SLC18A2: variants seen among roughly 807,000 people sequenced by gnomAD.
The protein encoded by SLC18A2 is solute carrier family 18 member A2, also known as synaptic vesicular amine transporter.
SLC18A2 carries 33 observed loss-of-function variants against 59.2 expected under a neutral mutation model. That is an observed-to-expected ratio of 0.56 (90% CI 0.42 to 0.75). SLC18A2 has a LOEUF of 0.75. Among genes scored for constraint, SLC18A2 ranks in the 30% least tolerant of loss-of-function variants. The probability of loss-of-function intolerance (pLI) is 0.00; values close to 1 mark genes in which losing one functional copy is unlikely to be tolerated. For missense variants in SLC18A2, 569 were observed against 668.6 expected (o/e 0.85, Z 1.64); for synonymous variants, 228 against 253.5 (o/e 0.90, Z 0.95).
chr10:117,274,693 C>G (rs1439335374), intron 15 of SLC18A2, among the ~76,000 whole-genome samples: 1 of 152,166 alleles, frequency 6.6e-6, no homozygotes, highest in Non-Finnish European at 1.5e-5. Context: ...TTGCCACCTC[C>G]CTTGCTGTCC....
chr10:117,255,976 T>G (rs1844225004), intron 9 of SLC18A2, among the ~76,000 whole-genome samples: 1 of 152,118 alleles, frequency 6.6e-6, no homozygotes, highest in Non-Finnish European at 1.5e-5. Flanking sequence ...TGTGTTTGTA[T>G]GGAAGGCCAT....
intron 2 of SLC18A2, 69 bp from the exon 3 acceptor site, chr10:117,243,902 T>C (rs1206446890): frequency 9.1e-6 from 12 of 1,320,114 alleles, no homozygotes. Context: ...ACCATAGTTT[T>C]TTGCTGGCTT....
chr10:117,276,125 C>CAA (rs34299747), intron 15 of SLC18A2, among the ~76,000 whole-genome samples: 61,784 of 136,950 alleles, frequency 0.45, 13,511 homozygotes, highest in East Asian at 0.54. Context: ...GTCATCTCTA[C>CAA]AAAAAAAAAA....
At chr10:117,242,825 C>T (rs185067831) in intron 2 of SLC18A2, among the ~76,000 whole-genome samples, 20 of 152,286 alleles carry the variant, frequency 1.3e-4, no homozygotes, top group African/African-American at 3.4e-4. Context: ...CTCCACCTCC[C>T]GGGTTCAAGT....
rs142374592 is a variant in SLC18A2, at chr10:117,270,282, C to G, written c.1307-48C>G. 5.3e-5 allele frequency: 86 copies of G among 1,613,690 alleles called. 1 individual carries two copies. The East Asian group carries it at 1.9e-3, about 36-fold the overall frequency. ...TGTTTAAATCTTTGCATCTTTCAGT[C>G]TACAAGACATTTGGAAGAGCTTTAT... On this transcript the variant is annotated intron_variant, in intron 14 of 15. Coordinates refer to ENST00000644641, the MANE Select transcript of SLC18A2 (RefSeq NM_003054.6).
At chr10:117,254,987 C>T (rs1844211687) in intron 6 of SLC18A2, among the ~76,000 whole-genome samples, 1 of 152,252 alleles carries the variant, frequency 6.6e-6, no homozygotes, top group South Asian at 2.1e-4. Context: ...TCTCTGTTTA[C>T]ACATTTTCCT....
intron 10 of SLC18A2, among the ~76,000 whole-genome samples, chr10:117,260,704 A>G (rs1206919315): frequency 6.6e-6 from 1 of 152,138 alleles, no homozygotes; most frequent in Non-Finnish European, 1.5e-5. Flanking sequence ...GTCAGTCCCT[A>G]TTATTGGGCA....
At chr10:117,249,323 C>T (rs1004198106) in intron 3 of SLC18A2, among the ~76,000 whole-genome samples, 2 of 152,196 alleles carry the variant, frequency 1.3e-5, no homozygotes, top group Non-Finnish European at 2.9e-5. Flanking sequence ...GGGCTCACGC[C>T]CAGGAAAGTG....
chr10:117,253,050 C>T (rs1258174677), intron 3 of SLC18A2, among the ~76,000 whole-genome samples: 5 of 152,172 alleles, frequency 3.3e-5, no homozygotes, highest in African/African-American at 1.2e-4. Flanking sequence ...ATTGCAGTGG[C>T]TCCTTTGGGA....
intron 15 of SLC18A2, among the ~76,000 whole-genome samples, chr10:117,274,533 C>T (rs1045817640): frequency 3.3e-5 from 5 of 152,158 alleles, no homozygotes; most frequent in Non-Finnish European, 5.9e-5. Context: ...ACCTGCCTGC[C>T]TGGGAGCCGT....
intron 10 of SLC18A2, among the ~76,000 whole-genome samples, chr10:117,260,508 G>A (rs757785042): frequency 2.6e-5 from 4 of 152,314 alleles, no homozygotes; most frequent in South Asian, 4.1e-4. Flanking sequence ...GCGGAAGGGG[G>A]CATAGGCTGT....
At chr10:117,267,585 TCA>T in intron 12 of SLC18A2, 86 bp from the exon 13 acceptor site, 1 of 1,002,286 alleles carries the variant, frequency 1.0e-6, no homozygotes, top group Non-Finnish European at 1.5e-6. Context: ...CATACCACGC[TCA>T]GAGAAAACAC....
intron 12 of SLC18A2, chr10:117,267,302 A>C: frequency 2.0e-6 from 1 of 505,822 alleles, no homozygotes; most frequent in Non-Finnish European, 3.5e-6. Context: ...ACAGTGTCTT[A>C]AACACTTCAG....
At chr10:117,270,250 C>T (rs1844410298) in intron 14 of SLC18A2, 60 bp downstream of exon 14, 1 of 1,612,978 alleles carries the variant, frequency 6.2e-7, no homozygotes, top group Admixed American at 1.7e-5. Flanking sequence ...ATAACGTCTA[C>T]TAAAATTGTT....
In SLC18A2 at chr10:117,266,984, G is replaced by A. The variant is rs1221979001; in HGVS notation, c.1071G>A (p.Arg357=). 2 of 1,612,680 alleles carry A rather than the reference G, an allele frequency of 1.2e-6. No homozygotes were observed. The highest frequency in any genetic ancestry group is 2.2e-5 in the East Asian group (1 of 44,874). ...IFGILAHKMG[R]WLCALLGMII... is the part of the protein sequence containing the mutation. Reference sequence around the variant, plus strand: ...TTGATGGTGCTTTTTCTTTTGGTAGGTGGCTTTGTGCTCTTCTGGGAATGA... The same window carrying A: ...TTGATGGTGCTTTTTCTTTTGGTAGATGGCTTTGTGCTCTTCTGGGAATGA... The change falls in exon 12 of 16, where the codon AGG becomes AGA. Residue 357 remains arginine, a splice_region_variant and synonymous_variant. Transcript: ENST00000644641.
intron 10 of SLC18A2, among the ~76,000 whole-genome samples, chr10:117,264,110 C>G (rs1736571956): frequency 6.6e-6 from 1 of 152,346 alleles, no homozygotes; most frequent in Admixed American, 6.5e-5. Context: ...TGACCGGAGC[C>G]CCTCTCTCAC....
chr10:117,267,083 A>C (rs1437137601), intron 12 of SLC18A2, 48 bp downstream of exon 12: 1 of 1,463,042 alleles, frequency 6.8e-7, no homozygotes, highest in Admixed American at 1.8e-5. Context: ...TGTGAATAAA[A>C]CTTGCGCTTT....
intron 2 of SLC18A2, 121 bp downstream of exon 2, chr10:117,241,935 G>A (rs935464807): frequency 1.9e-6 from 2 of 1,065,696 alleles, no homozygotes; most frequent in East Asian, 3.0e-5. Context: ...TGGAGAACTC[G>A]CTTTGCAAAA....
In SLC18A2 at chr10:117,254,508, C is replaced by A. The variant is rs193089725; in HGVS notation, c.700+11C>A. On this transcript the variant is annotated intron_variant, in intron 6 of 15. Coordinates refer to ENST00000644641, the MANE Select transcript of SLC18A2 (RefSeq NM_003054.6). ...CCATGGGGGTCTTAGGTGGGTAAGG[C>A]CCCCGTGTAGGCAAACTGGCAAGAG... 1.0e-5 allele frequency: 16 copies of A among 1,585,138 alleles called. No homozygotes were observed. Among genetic ancestry groups the A allele is most frequent in the Middle Eastern group, 1.7e-4 (1 of 5,718 alleles).
Sources: gnomAD v4.1 joint callset for allele counts (sites outside exome capture counted in the v4.1 genomes callset) on GRCh38, gnomAD v4.1.1 for gene constraint, MANE v1.5 for transcripts, NCBI Gene and HGNC (gene_info 2026-07-23, HGNC 2026-07-21) for gene names.